The following SYNPR variants were observed in gnomAD, a reference collection of about 807,000 sequenced individuals.
SYNPR encodes synaptoporin.
In SYNPR, 23 loss-of-function variants were observed where a neutral mutation model predicts 32.9. The observed-to-expected ratio is 0.70, with a 90% confidence interval of 0.50 to 0.99. SYNPR has a LOEUF of 0.99. SYNPR is among the 50% of genes least tolerant of loss of function. The pLI is 0.00. For synonymous variants in SYNPR, 146 were observed against 135.9 expected, an observed-to-expected ratio of 1.07 and a Z score of -0.52; for missense variants, 318 against 349.3, an observed-to-expected ratio of 0.91 and a Z score of 0.71.
intron 2 of SYNPR, among the ~76,000 whole-genome samples, chr3:63,393,496 C>CTTTTTTTTTTTTTTTTTTTT (rs71631152): frequency 2.4e-5 from 2 of 84,502 alleles, no homozygotes; most frequent in African/African-American, 5.7e-5. Context: ...TCTTTCTTCT[C>CTTTTTTTTTTTTTTTTTTTT]TTTTTTTTTT....
intron 3 of SYNPR, among the ~76,000 whole-genome samples, chr3:63,511,624 T>C (rs1207230082): frequency 6.6e-6 from 1 of 152,142 alleles, no homozygotes; most frequent in Non-Finnish European, 1.5e-5. Flanking sequence ...GGCGAGCCAG[T>C]AAGTTCTTTG....
rs201267283 is a variant in SYNPR, at chr3:63,338,525, C to T, written c.84+59783C>T. On this transcript the variant is annotated intron_variant, in intron 2 of 5. Transcript: ENST00000478300. ...ATTCAAATCCCTTCTGAGTATTTTTCAGAAGCTTCAGATCCAAGTGGATCC... is the reference window on the plus strand; with the variant it reads ...ATTCAAATCCCTTCTGAGTATTTTTTAGAAGCTTCAGATCCAAGTGGATCC... Among the ~76,000 whole-genome samples the T allele has an allele frequency of 2.6e-4, 39 of 152,306 alleles. No homozygotes were observed. The East Asian group carries it at 7.5e-3, about 29-fold the overall frequency.
intron 4 of SYNPR, among the ~76,000 whole-genome samples, chr3:63,601,683 CT>C (rs961221245): frequency 8.5e-4 from 129 of 152,232 alleles, no homozygotes; most frequent in Middle Eastern, 3.4e-3. Flanking sequence ...TGATCTCATT[CT>C]TTTTTTATGG....
chr3:63,372,478 A>G (rs925514824), intron 2 of SYNPR, among the ~76,000 whole-genome samples: 15 of 152,144 alleles, frequency 9.9e-5, no homozygotes, highest in African/African-American at 3.4e-4. Flanking sequence ...TGCTTTAACC[A>G]TGACTCCAGC....
chr3:63,526,042 A>G (rs1304365057), intron 3 of SYNPR, among the ~76,000 whole-genome samples: 1 of 152,186 alleles, frequency 6.6e-6, no homozygotes, highest in Admixed American at 6.5e-5. Context: ...AGAAAAAGCA[A>G]GACAGAGAGA....
intron 2 of SYNPR, among the ~76,000 whole-genome samples, chr3:63,347,539 T>C (rs2087453150): frequency 6.6e-6 from 1 of 152,224 alleles, no homozygotes. Context: ...CATGGATATA[T>C]TATGTCGTGC....
At chr3:63,385,738 G>C (rs982612062) in intron 2 of SYNPR, among the ~76,000 whole-genome samples, 10 of 152,302 alleles carry the variant, frequency 6.6e-5, no homozygotes, top group African/African-American at 2.4e-4. Context: ...TTTATGTGAG[G>C]TCAGGTGGAA....
At chr3:63,333,824 T>G (rs1053141301) in intron 2 of SYNPR, among the ~76,000 whole-genome samples, 3 of 152,232 alleles carry the variant, frequency 2.0e-5, no homozygotes, top group African/African-American at 7.2e-5. Flanking sequence ...TCCATCTAAT[T>G]TATTTTTTAT....
intron 2 of SYNPR, among the ~76,000 whole-genome samples, chr3:63,254,253 G>C (rs894361915): frequency 5.3e-5 from 8 of 151,998 alleles, no homozygotes; most frequent in African/African-American, 1.9e-4. Context: ...CAACAACATG[G>C]CACATGTATA....
intron 2 of SYNPR, among the ~76,000 whole-genome samples, chr3:63,256,860 A>G (rs1317809114): frequency 6.6e-6 from 1 of 152,220 alleles, no homozygotes; most frequent in East Asian, 1.9e-4. Flanking sequence ...TAACCAATGC[A>G]GAGAAGTCCT....
intron 2 of SYNPR, among the ~76,000 whole-genome samples, chr3:63,468,812 A>T (rs940429234): frequency 1.3e-5 from 2 of 152,054 alleles, no homozygotes; most frequent in Non-Finnish European, 2.9e-5. Flanking sequence ...AAAACATACA[A>T]ACAAACAAAC....
the SYNPR span, among the ~76,000 whole-genome samples, chr3:63,211,243 T>A: frequency 6.6e-6 from 1 of 152,166 alleles, no homozygotes; most frequent in Non-Finnish European, 1.5e-5. Flanking sequence ...AATTTTTATA[T>A]TTTTAGTAGA....
intron 2 of SYNPR, among the ~76,000 whole-genome samples, chr3:63,359,458 A>G (rs1445519150): frequency 1.3e-5 from 2 of 152,242 alleles, no homozygotes; most frequent in African/African-American, 2.4e-5. Context: ...CTGTGCTACC[A>G]GAAAATAAAA....
At chr3:63,223,049 C>T in the SYNPR span, among the ~76,000 whole-genome samples, 1 of 152,130 alleles carries the variant, frequency 6.6e-6, no homozygotes, top group African/African-American at 2.4e-5. Flanking sequence ...ATGAAACTGT[C>T]ATCTCAGCAC....
chr3:63,370,980 G>A (rs1454527627), intron 2 of SYNPR, among the ~76,000 whole-genome samples: 1 of 152,162 alleles, frequency 6.6e-6, no homozygotes, highest in East Asian at 1.9e-4. Context: ...TGCTCTCACG[G>A]ACAGAAGAAA....
chr3:63,344,187 A>T (rs1221435350), intron 2 of SYNPR, among the ~76,000 whole-genome samples: 2 of 152,330 alleles, frequency 1.3e-5, no homozygotes, highest in East Asian at 3.9e-4. Context: ...ATGTGCTTAT[A>T]ATAATAAGCC....
chr3:63,378,868 T>A (rs1010157334), intron 2 of SYNPR, among the ~76,000 whole-genome samples: 1 of 152,074 alleles, frequency 6.6e-6, no homozygotes, highest in African/African-American at 2.4e-5. Context: ...AGTTGCAGTG[T>A]GAAAGTTTAG....
At chr3:63,207,801 T>C in the SYNPR span, among the ~76,000 whole-genome samples, 1 of 152,024 alleles carries the variant, frequency 6.6e-6, no homozygotes, top group Non-Finnish European at 1.5e-5. Context: ...TGAAAGAAAA[T>C]ATTTTGATGT....
chr3:63,254,079 A>C (rs1029979334), intron 2 of SYNPR, among the ~76,000 whole-genome samples: 2 of 152,160 alleles, frequency 1.3e-5, no homozygotes, highest in African/African-American at 4.8e-5. Context: ...AAAAAAACCA[A>C]ACACCGCATG....
Sources: gnomAD v4.1 joint callset for allele counts (sites outside exome capture counted in the v4.1 genomes callset) on GRCh38, gnomAD v4.1.1 for gene constraint, MANE v1.5 for transcripts, NCBI Gene and HGNC (gene_info 2026-07-23, HGNC 2026-07-21) for gene names.